RBFOX1: variants seen among roughly 807,000 people sequenced by gnomAD.
RBFOX1 encodes RNA binding protein fox-1 homolog 1.
A neutral mutation model predicts 57.7 loss-of-function variants in RBFOX1; 8 were observed. The observed-to-expected ratio is 0.14, with a 90% CI of 0.08 to 0.25. RBFOX1 has a LOEUF of 0.25. Among genes scored for constraint, RBFOX1 ranks in the 10% least tolerant of loss-of-function variants. RBFOX1 has a pLI of 1.00. For missense variants in RBFOX1, 611 were observed against 548.5 expected, an observed-to-expected ratio of 1.11 and a Z score of -1.14; for synonymous variants, 326 against 222.4, an observed-to-expected ratio of 1.47 and a Z score of -4.15.
At chr16:5,343,985 T>C (rs1055823056) in intron 1 of RBFOX1, among the ~76,000 whole-genome samples, 2 of 152,208 alleles carry the variant, frequency 1.3e-5, no homozygotes, top group Non-Finnish European at 2.9e-5. Flanking sequence ...GACTAGACTT[T>C]CTTTGGGTCT....
Position 6,362,943 on chromosome 16 carries a change from G to C in RBFOX1, c.-64+45886G>C, listed in dbSNP as rs115149128. Reference sequence around the variant, plus strand: ...TTCTAAGTGTGTGATACATGAGCAAGGCTAAAAGGTTGTACAGCCTGCCAC... The same window carrying C: ...TTCTAAGTGTGTGATACATGAGCAACGCTAAAAGGTTGTACAGCCTGCCAC... On this transcript the variant is annotated intron_variant, in intron 2 of 15. Transcript: ENST00000550418. 8.6e-3 allele frequency among the ~76,000 whole-genome samples: 1,306 copies of C among 152,290 alleles called. 13 individuals carry two copies. The highest frequency in any genetic ancestry group is 0.03 in the African/African-American group (1,239 of 41,560).
chr16:7,247,600 C>G lies in RBFOX1; in HGVS notation c.27+195502C>G, dbSNP rs1416212328. On this transcript the variant is annotated intron_variant, in intron 4 of 15. Transcript: ENST00000550418. ...AAAAGCTAAAAGCCCCCAGGTCATC[C>G]TTAAATGAATGTATATCCTGATTCA... Among the ~76,000 whole-genome samples, 3 of 152,162 alleles carry G rather than the reference C, an allele frequency of 2.0e-5. No homozygotes were observed. In the South Asian group the frequency reaches 6.2e-4, roughly 32 times the overall value.
intron 4 of RBFOX1, among the ~76,000 whole-genome samples, chr16:5,979,034 C>G (rs1272941851): frequency 1.3e-5 from 2 of 152,208 alleles, no homozygotes; most frequent in Non-Finnish European, 2.9e-5. Flanking sequence ...GCCTTCTCCT[C>G]CATTTTTGCA....
At chr16:7,247,967 A>T (rs1351054002) in intron 4 of RBFOX1, among the ~76,000 whole-genome samples, 5 of 152,180 alleles carry the variant, frequency 3.3e-5, no homozygotes, top group Non-Finnish European at 7.3e-5. Flanking sequence ...GTGATGAAAA[A>T]ATCTGTAAGA....
At chr16:7,056,003 C>T (rs543124800) in intron 4 of RBFOX1, among the ~76,000 whole-genome samples, 2 of 152,308 alleles carry the variant, frequency 1.3e-5, no homozygotes, top group South Asian at 2.1e-4. Flanking sequence ...TATATCCTAA[C>T]TTTTCTACCC....
chr16:6,863,988 C>A (rs1216968121), intron 3 of RBFOX1, among the ~76,000 whole-genome samples: 1 of 96,558 alleles, frequency 1.0e-5, no homozygotes, highest in Non-Finnish European at 2.1e-5. Context: ...TCTTTATGTT[C>A]CTTTTTTTTT....
At chr16:7,202,350 A>G (rs1289904365) in intron 4 of RBFOX1, among the ~76,000 whole-genome samples, 1 of 152,144 alleles carries the variant, frequency 6.6e-6, no homozygotes, top group Non-Finnish European at 1.5e-5. Context: ...AGGATGTGGA[A>G]AAATTGGACC....
intron 4 of RBFOX1, among the ~76,000 whole-genome samples, chr16:5,922,441 C>T (rs958222972): frequency 3.9e-5 from 6 of 152,158 alleles, no homozygotes; most frequent in Non-Finnish European, 1.5e-5. Flanking sequence ...AGCCCTTGTT[C>T]ACCCCCTTGT....
intron 4 of RBFOX1, among the ~76,000 whole-genome samples, chr16:5,894,311 G>C (rs2042419): frequency 0.54 from 81,510 of 152,050 alleles, 22,066 homozygotes; most frequent in Middle Eastern, 0.65. Context: ...GAGATGGAGT[G>C]TTGCTGTGTT....
At chr16:5,944,956 C>G (rs1417087465) in intron 4 of RBFOX1, among the ~76,000 whole-genome samples, 4 of 96,110 alleles carry the variant, frequency 4.2e-5, no homozygotes, top group African/African-American at 1.8e-4. Flanking sequence ...CAGAGCAAGA[C>G]TCTGTCATAA....
At chr16:7,693,214 C>A in intron 14 of RBFOX1, 1 of 916,302 alleles carries the variant, frequency 1.1e-6, no homozygotes, top group Non-Finnish European at 1.8e-6. Flanking sequence ...CATTCACACG[C>A]AGCACCCTTC....
At chr16:7,353,901 A>G (rs767354518) in intron 4 of RBFOX1, among the ~76,000 whole-genome samples, 2 of 152,174 alleles carry the variant, frequency 1.3e-5, no homozygotes, top group Non-Finnish European at 2.9e-5. Flanking sequence ...GAATTGTACA[A>G]CTATCACCAC....
chr16:7,227,945 C>T (rs1429771817), intron 4 of RBFOX1, among the ~76,000 whole-genome samples: 1 of 152,168 alleles, frequency 6.6e-6, no homozygotes, highest in Non-Finnish European at 1.5e-5. Flanking sequence ...CAATTCTTTG[C>T]GGTGAGGAGG....
chr16:6,170,128 C>T (rs1192226311), intron 1 of RBFOX1, among the ~76,000 whole-genome samples: 1 of 152,042 alleles, frequency 6.6e-6, no homozygotes, highest in African/African-American at 2.4e-5. Flanking sequence ...CTTCTCAGGC[C>T]ACATTTAGTT....
chr16:7,278,470 C>T (rs2095482377), intron 4 of RBFOX1, among the ~76,000 whole-genome samples: 1 of 152,174 alleles, frequency 6.6e-6, no homozygotes, highest in South Asian at 2.1e-4. Context: ...AATATATTTA[C>T]TTTCATCATA....
intron 2 of RBFOX1, among the ~76,000 whole-genome samples, chr16:6,367,561 C>T (rs947448585): frequency 4.6e-5 from 7 of 152,152 alleles, no homozygotes; most frequent in Middle Eastern, 3.4e-3. Context: ...TGAGCCAATG[C>T]GCCTGGCCCC....
intron 2 of RBFOX1, among the ~76,000 whole-genome samples, chr16:6,383,905 G>A (rs1003917102): frequency 3.3e-5 from 5 of 151,964 alleles, no homozygotes; most frequent in Admixed American, 3.3e-4. Context: ...TTTGTTTTTT[G>A]AAGCATAATG....
chr16:5,442,366 C>A (rs925065236), intron 1 of RBFOX1, among the ~76,000 whole-genome samples: 8 of 152,216 alleles, frequency 5.3e-5, no homozygotes, highest in Non-Finnish European at 1.2e-4. Flanking sequence ...CTGTGTCCTG[C>A]AGGCTCTGGG....
chr16:6,034,350 A>T (rs12920440), intron 1 of RBFOX1, among the ~76,000 whole-genome samples: 1 of 142,336 alleles, frequency 7.0e-6, no homozygotes, highest in Non-Finnish European at 1.5e-5. Context: ...AAAAAAAAAA[A>T]AAAAAAAGAA....
Sources: gnomAD v4.1 joint callset for allele counts (sites outside exome capture counted in the v4.1 genomes callset) on GRCh38, gnomAD v4.1.1 for gene constraint, MANE v1.5 for transcripts, NCBI Gene and HGNC (gene_info 2026-07-23, HGNC 2026-07-21) for gene names.